ROBO2: variants seen among roughly 807,000 people sequenced by gnomAD.
ROBO2 encodes the protein roundabout homolog 2.
Under a neutral mutation model 160.8 loss-of-function variants are expected in ROBO2, and 53 were observed. That is an observed-to-expected ratio of 0.33 (90% CI 0.26 to 0.41). ROBO2 has a LOEUF of 0.41. ROBO2 is among the 10% of genes least tolerant of loss of function. The pLI is 1.00. For missense variants in ROBO2, 1,577 were observed against 1,722.4 expected (o/e 0.92, Z 1.49); for synonymous variants, 664 against 611.7 (o/e 1.09, Z -1.26).
At chr3:76,716,956 G>A (rs2093389915) in intron 2 of ROBO2, among the ~76,000 whole-genome samples, 1 of 152,298 alleles carries the variant, frequency 6.6e-6, no homozygotes. Context: ...GGATGTTAGA[G>A]TGAAATAACT....
chr3:77,413,837 G>A (rs2076996466), intron 2 of ROBO2, among the ~76,000 whole-genome samples: 1 of 152,186 alleles, frequency 6.6e-6, no homozygotes, highest in African/African-American at 2.4e-5. Flanking sequence ...TAATGGACAA[G>A]TAAAATGTGG....
At chr3:76,980,403 C>T (rs756126998) in intron 2 of ROBO2, among the ~76,000 whole-genome samples, 55 of 152,112 alleles carry the variant, frequency 3.6e-4, no homozygotes, top group Non-Finnish European at 7.2e-4. Flanking sequence ...CAGGGGGCAG[C>T]TGGAGGATGA....
intron 2 of ROBO2, among the ~76,000 whole-genome samples, chr3:76,205,317 G>A (rs1702748002): frequency 6.6e-6 from 1 of 152,114 alleles, no homozygotes; most frequent in Non-Finnish European, 1.5e-5. Flanking sequence ...ATTTTGGTGA[G>A]AGAGAATAAG....
chr3:76,248,152 A>G (rs1325084118), intron 2 of ROBO2, among the ~76,000 whole-genome samples: 1 of 151,226 alleles, frequency 6.6e-6, no homozygotes, highest in Non-Finnish European at 1.5e-5. Flanking sequence ...TATATACCCA[A>G]AGGACTATAA....
chr3:77,323,863 A>C (rs2065076330), intron 2 of ROBO2, among the ~76,000 whole-genome samples: 1 of 152,194 alleles, frequency 6.6e-6, no homozygotes, highest in East Asian at 1.9e-4. Context: ...AAACAGCTTG[A>C]GATATTTAAA....
intron 25 of ROBO2, among the ~76,000 whole-genome samples, chr3:77,645,224 A>G (rs531063200): frequency 2.6e-5 from 4 of 152,330 alleles, no homozygotes; most frequent in Non-Finnish European, 5.9e-5. Context: ...ACTGAACACA[A>G]TAAAGAAATG....
At chr3:77,251,292 T>C (rs1391435068) in intron 2 of ROBO2, among the ~76,000 whole-genome samples, 1 of 152,136 alleles carries the variant, frequency 6.6e-6, no homozygotes, top group Non-Finnish European at 1.5e-5. Flanking sequence ...GGTTTTCAGC[T>C]TGTATCTTCT....
chr3:76,268,102 G>GT (rs1300575293), intron 2 of ROBO2, among the ~76,000 whole-genome samples: 2 of 152,244 alleles, frequency 1.3e-5, no homozygotes, highest in African/African-American at 4.8e-5. Flanking sequence ...ATCTCTAAAT[G>GT]TACACATATA....
intron 2 of ROBO2, among the ~76,000 whole-genome samples, chr3:76,795,685 G>T (rs1342841123): frequency 6.6e-6 from 1 of 152,024 alleles, no homozygotes; most frequent in Non-Finnish European, 1.5e-5. Context: ...TCATCCATGA[G>T]GTTTGGAATC....
chr3:76,593,868 T>C (rs2086575375), intron 2 of ROBO2, among the ~76,000 whole-genome samples: 1 of 152,140 alleles, frequency 6.6e-6, no homozygotes, highest in African/African-American at 2.4e-5. Context: ...GCAGCTATTA[T>C]AATTTTTTAA....
chr3:76,579,913 G>A (rs1163181248), intron 2 of ROBO2, among the ~76,000 whole-genome samples: 1 of 151,898 alleles, frequency 6.6e-6, no homozygotes, highest in Admixed American at 6.6e-5. Flanking sequence ...CATGTCATTC[G>A]ACACTCAAAT....
At chr3:76,662,641 G>A (rs1237698767) in intron 2 of ROBO2, among the ~76,000 whole-genome samples, 2 of 152,042 alleles carry the variant, frequency 1.3e-5, no homozygotes, top group Non-Finnish European at 2.9e-5. Context: ...TATTTTTTCA[G>A]TGAATGTAAT....
chr3:77,269,795 C>G (rs980238299), intron 2 of ROBO2, among the ~76,000 whole-genome samples: 3 of 152,058 alleles, frequency 2.0e-5, no homozygotes, highest in Non-Finnish European at 4.4e-5. Flanking sequence ...CAAAAAGTCT[C>G]CATAGTTTTC....
At chr3:77,017,159 T>C (rs1553729204) in intron 2 of ROBO2, among the ~76,000 whole-genome samples, 2 of 152,154 alleles carry the variant, frequency 1.3e-5, no homozygotes, top group Non-Finnish European at 2.9e-5. Context: ...AGCCAAAAAA[T>C]AACAACAAAA....
At chr3:76,449,767 G>C (rs758792932) in intron 2 of ROBO2, among the ~76,000 whole-genome samples, 135 of 152,152 alleles carry the variant, frequency 8.9e-4, no homozygotes, top group Non-Finnish European at 1.7e-3. Context: ...ATTGAAGAGA[G>C]TCGTTAAATA....
chr3:76,662,593 G>A (rs1346398541), intron 2 of ROBO2, among the ~76,000 whole-genome samples: 1 of 151,998 alleles, frequency 6.6e-6, no homozygotes, highest in Non-Finnish European at 1.5e-5. Flanking sequence ...ATGCGAGTTA[G>A]GTGAGGAGTA....
At chr3:76,418,695 T>C (rs2075862128) in intron 2 of ROBO2, among the ~76,000 whole-genome samples, 1 of 152,096 alleles carries the variant, frequency 6.6e-6, no homozygotes. Flanking sequence ...TTTTTTTTTT[T>C]TAACAAAACC....
At chr3:77,239,738 G>T (rs531874093) in intron 2 of ROBO2, among the ~76,000 whole-genome samples, 1 of 151,018 alleles carries the variant, frequency 6.6e-6, no homozygotes, top group African/African-American at 2.4e-5. Flanking sequence ...TTACCTAGAC[G>T]CAGAGCACTG....
chr3:77,131,743 G>C (rs1272314053), intron 2 of ROBO2, among the ~76,000 whole-genome samples: 2 of 151,996 alleles, frequency 1.3e-5, no homozygotes, highest in South Asian at 4.1e-4. Flanking sequence ...TCCATAAAAT[G>C]TGTTGAATGA....
Sources: gnomAD v4.1 joint callset for allele counts (sites outside exome capture counted in the v4.1 genomes callset) on GRCh38, gnomAD v4.1.1 for gene constraint, MANE v1.5 for transcripts, NCBI Gene and HGNC (gene_info 2026-07-23, HGNC 2026-07-21) for gene names.